The following SIN3A variants were observed in gnomAD, a reference collection of about 807,000 sequenced individuals.
SIN3A encodes paired amphipathic helix protein Sin3a.
A neutral mutation model predicts 146.1 loss-of-function variants in SIN3A; 14 were observed. That is an observed-to-expected ratio of 0.10 (90% CI 0.06 to 0.15). The LOEUF (loss-of-function observed/expected upper bound fraction) is 0.15, where lower values mean the gene tolerates loss of function less well. Ranked by LOEUF, SIN3A falls within the 10% of genes least tolerant of loss-of-function variation. The pLI is 1.00. For missense variants in SIN3A, 1,028 were observed against 1,576.0 expected (o/e 0.65, Z 5.89); for synonymous variants, 572 against 572.0 (o/e 1.00, Z 0.00).
In SIN3A at chr15:75,392,405, C is replaced by T. The variant is rs1266261364; in HGVS notation, c.2688G>A (p.Met896Ile). The T allele has an allele frequency of 1.2e-6, 2 of 1,614,238 alleles. No homozygotes were observed. Among genetic ancestry groups the T allele is most frequent in the Admixed American group, 1.7e-5 (1 of 60,024 alleles). The change falls in exon 15 of 21, where the codon ATG becomes ATA. Residue 896 changes from methionine to isoleucine, a missense_variant. By Grantham distance (10) the Met-to-Ile change is conservative (BLOSUM62 1). Around this residue, in one of 9 missense-constraint regions of SIN3A, gnomAD observed 488 missense variants for 690.2 expected, o/e 0.71. Coordinates refer to ENST00000394947, the MANE Select transcript of SIN3A (RefSeq NM_001145358.2). ...FYVNNNWYIF[M>I]RLHQILCLRL... ...TCAGGCAGAGAATCTGGTGCAGTCGCATAAAAATATACCAGTTGTTGTTGA... is the reference window on the plus strand; with the variant it reads ...TCAGGCAGAGAATCTGGTGCAGTCGTATAAAAATATACCAGTTGTTGTTGA...
intron 9 of SIN3A, among the ~76,000 whole-genome samples, chr15:75,406,105 T>A (rs1370564931): frequency 1.3e-5 from 2 of 151,784 alleles, no homozygotes; most frequent in Non-Finnish European, 2.9e-5. Flanking sequence ...GAAAATAGAG[T>A]CAATCACCAC....
At position 75,370,316 on chromosome 15, in the gene SIN3A, T is replaced by C. The variant is rs1029994023; in HGVS notation, c.*1663A>G. ...GGAGCCAAAAAATTTTGTTTTTCTT[T>C]TTGGTGGTGGTGGTGATTTTTAACT... On this transcript the variant is annotated 3_prime_UTR_variant, in exon 21 of 21. Coordinates refer to ENST00000394947, the MANE Select transcript of SIN3A (RefSeq NM_001145358.2). 2.0e-5 allele frequency: 3 copies of C among 152,162 alleles called. No individual in the cohort carries two copies. The highest frequency in any genetic ancestry group is 4.4e-5 in the Non-Finnish European group (3 of 68,028). 9.4% of individuals were successfully genotyped at this position (152,162 alleles called of 1,614,324 possible).
At chr15:75,447,389 C>A (rs1258819008) in intron 1 of SIN3A, among the ~76,000 whole-genome samples, 1 of 152,166 alleles carries the variant, frequency 6.6e-6, no homozygotes, top group African/African-American at 2.4e-5. Flanking sequence ...TCAACAATGT[C>A]TCTTAGTTAT....
intron 2 of SIN3A, among the ~76,000 whole-genome samples, chr15:75,427,863 C>T (rs892815187): frequency 1.3e-5 from 2 of 151,706 alleles, no homozygotes; most frequent in Non-Finnish European, 2.9e-5. Flanking sequence ...CCCAGCTACT[C>T]GGGAGGCTGA....
At chr15:75,434,729 A>G (rs2074074922) in intron 1 of SIN3A, among the ~76,000 whole-genome samples, 1 of 151,992 alleles carries the variant, frequency 6.6e-6, no homozygotes, top group South Asian at 2.1e-4. Flanking sequence ...CGAGTGGATC[A>G]CCTGACGTCG....
chr15:75,436,133 C>A (rs1269105342), intron 1 of SIN3A, among the ~76,000 whole-genome samples: 18 of 138,730 alleles, frequency 1.3e-4, no homozygotes, highest in African/African-American at 1.3e-4. Context: ...GACTCTGTCT[C>A]AAAAAAAAAA....
chr15:75,379,999 T>A (rs534899078), intron 19 of SIN3A, among the ~76,000 whole-genome samples: 1 of 152,354 alleles, frequency 6.6e-6, no homozygotes, highest in South Asian at 2.1e-4. Context: ...TGTCTCACTG[T>A]ACCTAAACTA....
At position 75,414,327 on chromosome 15, in the gene SIN3A, A is replaced by G; in HGVS notation, c.367-16T>C. ...CATCCTCCACCTGAGGCAGGGATAAATATCAAGGTTATAAAAAGAAAGTAA... is the reference window on the plus strand; with the variant it reads ...CATCCTCCACCTGAGGCAGGGATAAGTATCAAGGTTATAAAAAGAAAGTAA... On this transcript the variant is annotated splice_polypyrimidine_tract_variant and intron_variant, in intron 3 of 20. Coordinates refer to ENST00000394947, the MANE Select transcript of SIN3A (RefSeq NM_001145358.2). 1 of 1,380,760 alleles carries G rather than the reference A, an allele frequency of 7.2e-7. No individual in the cohort carries two copies. The highest frequency in any genetic ancestry group is 9.7e-7 in the Non-Finnish European group (1 of 1,026,176). 85.5% of individuals were successfully genotyped at this position (1,380,760 alleles called of 1,614,324 possible). A position where few individuals can be genotyped will look rare whatever the true frequency, so the allele number is the denominator to read the frequency against.
chr15:75,430,160 C>A, intron 2 of SIN3A, 27 bp downstream of exon 2: 1 of 1,572,016 alleles, frequency 6.4e-7, no homozygotes, highest in South Asian at 1.1e-5. Context: ...TTCCCTCATT[C>A]TAGTCCCTTG....
chr15:75,421,396 C>T (rs974310270), intron 3 of SIN3A: 5 of 152,158 alleles, frequency 3.3e-5, no homozygotes, highest in Non-Finnish European at 7.3e-5. Context: ...CTTTAAAAGG[C>T]TATGCATTAG....
chr15:75,406,165 CTACCCTGATGAAAGT>C (rs1239151122), intron 9 of SIN3A, among the ~76,000 whole-genome samples: 1 of 152,212 alleles, frequency 6.6e-6, no homozygotes, highest in Non-Finnish European at 1.5e-5. Context: ...CAGGTGCCAG[CTACCCTGATGAAAGT>C]TTCCTGCTAA....
chr15:75,451,802 G>A (rs1276696741), upstream of SIN3A: 1 of 151,652 alleles, frequency 6.6e-6, no homozygotes, highest in Non-Finnish European at 1.5e-5. Context: ...AACCACCGAG[G>A]CCTGTCTTAT....
chr15:75,381,474 T>G, intron 18 of SIN3A, 139 bp downstream of exon 18: 1 of 650,638 alleles, frequency 1.5e-6, no homozygotes, highest in South Asian at 2.0e-5. Flanking sequence ...TGGATTGACT[T>G]GTACTTTAAG....
At chr15:75,434,719 C>T (rs937310340) in intron 1 of SIN3A, among the ~76,000 whole-genome samples, 1 of 151,332 alleles carries the variant, frequency 6.6e-6, no homozygotes, top group African/African-American at 2.4e-5. Flanking sequence ...TTCGCCGAGG[C>T]GAGTGGATCA....
intron 20 of SIN3A, 72 bp from the exon 21 acceptor site, chr15:75,372,281 A>G: frequency 9.9e-7 from 1 of 1,007,958 alleles, no homozygotes; most frequent in Non-Finnish European, 1.4e-6. Context: ...TACAAAGCCT[A>G]ATTTTCTTCT....
chr15:75,446,091 C>T (rs951364548), intron 1 of SIN3A: 2 of 152,046 alleles, frequency 1.3e-5, no homozygotes, highest in Admixed American at 6.6e-5. Flanking sequence ...AATCTCTTCC[C>T]TCAAGAAGCT....
In SIN3A at chr15:75,389,717, T is replaced by C; in HGVS notation, c.2956A>G (p.Met986Val). ...SSQYEDSLREMFTIHAYIAFT... is the reference protein window; with the variant it reads ...SSQYEDSLREVFTIHAYIAFT... The stretch of plus-strand genomic sequence containing the variant: ...GCAATGTAGGCATGAATGGTGAACA[T>C]CTCTCTCAGTGAATCTTCATACTGT... The change falls in exon 16 of 21, where the codon ATG becomes GTG. Residue 986 changes from methionine to valine, a missense_variant. Physicochemically the swap from Met to Val is conservative, Grantham distance 21. Transcript: ENST00000394947. The C allele has an allele frequency of 6.2e-7, 1 of 1,614,072 alleles. No homozygotes were observed. Among genetic ancestry groups the C allele is most frequent in the Non-Finnish European group, 8.5e-7 (1 of 1,179,980 alleles).
At chr15:75,442,880 C>T (rs1447051324) in intron 1 of SIN3A, among the ~76,000 whole-genome samples, 2 of 143,812 alleles carry the variant, frequency 1.4e-5, no homozygotes, top group East Asian at 2.0e-4. Flanking sequence ...TGCGGTGAGC[C>T]GAGATTGTGC....
chr15:75,409,168 C>T (rs1023601934), intron 8 of SIN3A, among the ~76,000 whole-genome samples: 1 of 151,600 alleles, frequency 6.6e-6, no homozygotes. Context: ...CACACCACTG[C>T]ACTCCAGCCT....
Sources: allele counts gnomAD v4.1 joint callset (sites outside exome capture counted in the v4.1 genomes callset), GRCh38; gene constraint gnomAD v4.1.1; regional missense constraint gnomAD v4.1.1; transcripts MANE v1.5; gene names NCBI Gene and HGNC (gene_info 2026-07-23, HGNC 2026-07-21).